Variants in OTOA observed in about 807,000 individuals in gnomAD.
The protein encoded by OTOA is cancer/testis antigen 108.
In OTOA, 70 loss-of-function variants were observed where a neutral mutation model predicts 110.8. The observed-to-expected ratio is 0.63, with a 90% confidence interval of 0.52 to 0.77. OTOA has a LOEUF of 0.77. OTOA is among the 30% of genes least tolerant of loss of function. The pLI is 0.00. For synonymous variants in OTOA, 373 were observed against 431.5 expected, an observed-to-expected ratio of 0.86 and a Z score of 1.68; for missense variants, 917 against 1,075.8, an observed-to-expected ratio of 0.85 and a Z score of 2.06.
At chr16:21,667,838 A>C (rs1013143671) in intron 1 of OTOA, among the ~76,000 whole-genome samples, 1 of 152,074 alleles carries the variant, frequency 6.6e-6, no homozygotes, top group African/African-American at 2.4e-5. Context: ...TCACACAGGA[A>C]ATTTTCATAT....
intron 1 of OTOA, among the ~76,000 whole-genome samples, chr16:21,666,764 A>G (rs1458304612): frequency 6.6e-6 from 1 of 152,116 alleles, no homozygotes; most frequent in African/African-American, 2.4e-5. Flanking sequence ...CCAAATCATC[A>G]TCGCCCTGCC....
intron 18 of OTOA, among the ~76,000 whole-genome samples, chr16:21,725,277 A>T (rs2141714637): frequency 6.6e-6 from 1 of 152,096 alleles, no homozygotes; most frequent in African/African-American, 2.4e-5. Flanking sequence ...AGAAGTTAGA[A>T]TAGATTTTTT....
intron 14 of OTOA, among the ~76,000 whole-genome samples, chr16:21,715,766 C>T (rs928780409): frequency 2.0e-5 from 3 of 151,938 alleles, no homozygotes; most frequent in African/African-American, 7.3e-5. Context: ...AATCCTTCTG[C>T]TTCGGCCTCC....
Position 21,728,247 on chromosome 16 carries a change from T to A in OTOA, c.2023T>A (p.Ser675Thr), listed in dbSNP as rs1439058328. The A allele has an allele frequency of 6.2e-7, 1 of 1,614,160 alleles. No individual in the cohort carries two copies. Among genetic ancestry groups the A allele is most frequent in the South Asian group, 1.1e-5 (1 of 91,088 alleles). The change falls in exon 20 of 29, where the codon TCC becomes ACC. Residue 675 changes from serine (S) to threonine (T), a missense_variant. Ser to Thr is a moderately conservative substitution (Grantham distance 58). This residue lies in a region of OTOA where 840 missense variants were observed against 910.2 expected (regional missense o/e 0.92). Coordinates refer to ENST00000646100, the MANE Select transcript of OTOA (RefSeq NM_144672.4). ...CTCCACTTTTTGGGTTCAGGACGACTCCATTGCTGATGAGTACACTGTGGA... is the reference window on the plus strand; with the variant it reads ...CTCCACTTTTTGGGTTCAGGACGACACCATTGCTGATGAGTACACTGTGGA... ...LRKVQQCLDDSIADEYTVDIM... is the reference protein window; with the variant it reads ...LRKVQQCLDDTIADEYTVDIM...
chr16:21,715,704 G>C (rs1898532229), intron 14 of OTOA, among the ~76,000 whole-genome samples: 1 of 152,036 alleles, frequency 6.6e-6, no homozygotes, highest in African/African-American at 2.4e-5. Context: ...TTTTTGTAGA[G>C]ATGGAGTATT....
intron 13 of OTOA, among the ~76,000 whole-genome samples, chr16:21,714,327 TCC>T (rs1491237481): frequency 9.9e-4 from 137 of 138,824 alleles, no homozygotes; most frequent in African/African-American, 3.3e-3. Flanking sequence ...CTTCCTTCCT[TCC>T]TTCCTTTCTT....
chr16:21,750,220 G>A (rs1899789827), intron 24 of OTOA, among the ~76,000 whole-genome samples: 1 of 150,956 alleles, frequency 6.6e-6, no homozygotes, highest in African/African-American at 2.4e-5. Flanking sequence ...TTTGAGACCA[G>A]CCTGGCCAAC....
intron 6 of OTOA, among the ~76,000 whole-genome samples, chr16:21,682,104 T>A (rs935533636): frequency 1.3e-5 from 2 of 152,266 alleles, no homozygotes; most frequent in African/African-American, 4.8e-5. Flanking sequence ...TTAGTTTATT[T>A]CTTTCTCGTA....
intron 1 of OTOA, among the ~76,000 whole-genome samples, chr16:21,674,780 A>ATC (rs1320752575): frequency 2.7e-5 from 4 of 149,796 alleles, no homozygotes; most frequent in Admixed American, 6.6e-5. Context: ...TTGATGATAT[A>ATC]TCTGCACATA....
chr16:21,687,776 T>C, intron 8 of OTOA, 128 bp downstream of exon 8: 1 of 831,196 alleles, frequency 1.2e-6, no homozygotes, highest in Non-Finnish European at 1.9e-6. Flanking sequence ...CAAGTGATTC[T>C]CCTGCCTCAA....
At chr16:21,699,407 G>A (rs1160029983) in intron 10 of OTOA, among the ~76,000 whole-genome samples, 4 of 152,156 alleles carry the variant, frequency 2.6e-5, no homozygotes, top group Admixed American at 1.3e-4. Context: ...AGGCCAAGGC[G>A]GGAGGATCAC....
chr16:21,732,207 C>A (rs1899137698), intron 21 of OTOA, among the ~76,000 whole-genome samples: 1 of 152,250 alleles, frequency 6.6e-6, no homozygotes, highest in Non-Finnish European at 1.5e-5. Context: ...CTCAAGTGAT[C>A]TGCCCGCCTC....
At chr16:21,695,889 A>ATTTTTTTTTTTTTTTT (rs1213474615) in intron 9 of OTOA, among the ~76,000 whole-genome samples, 4 of 63,656 alleles carry the variant, frequency 6.3e-5, no homozygotes, top group East Asian at 3.8e-4. Flanking sequence ...ATATATATAT[A>ATTTTTTTTTTTTTTTT]TATTTTTTTT....
chr16:21,697,300 G>A (rs1367908866), intron 9 of OTOA, among the ~76,000 whole-genome samples: 1 of 152,066 alleles, frequency 6.6e-6, no homozygotes, highest in African/African-American at 2.4e-5. Flanking sequence ...TGATCTCACA[G>A]GTAGGCCCTA....
chr16:21,676,929 A>G (rs1052831012), intron 1 of OTOA, among the ~76,000 whole-genome samples: 1 of 152,168 alleles, frequency 6.6e-6, no homozygotes, highest in African/African-American at 2.4e-5. Flanking sequence ...CTGCTGCCCA[A>G]TGTCTGAAAA....
chr16:21,685,477 C>G, intron 7 of OTOA, 116 bp downstream of exon 7: 4 of 1,420,734 alleles, frequency 2.8e-6, no homozygotes, highest in Non-Finnish European at 3.8e-6. Flanking sequence ...CTTCCTCTCT[C>G]CTTCTGCCTC....
At chr16:21,706,848 A>ATAT (rs1655941188) in intron 12 of OTOA, among the ~76,000 whole-genome samples, 1 of 123,360 alleles carries the variant, frequency 8.1e-6, no homozygotes, top group Non-Finnish European at 1.7e-5. Context: ...TATAAGATTC[A>ATAT]TTTTTTTTTT....
intron 5 of OTOA, 72 bp from the exon 6 acceptor site, chr16:21,681,666 A>G: frequency 7.6e-7 from 1 of 1,316,400 alleles, no homozygotes; most frequent in Non-Finnish European, 1.1e-6. Context: ...TCCCCTGGGC[A>G]CTTAGCTAGT....
chr16:21,714,211 TTCTTTCTCTC>T (rs1389369201), intron 13 of OTOA, among the ~76,000 whole-genome samples: 1 of 151,784 alleles, frequency 6.6e-6, no homozygotes, highest in Non-Finnish European at 1.5e-5. Flanking sequence ...TTCTTTCTCT[TTCTTTCTCTC>T]TCTCTCTTTC....
Sources: gnomAD v4.1 joint callset for allele counts (sites outside exome capture counted in the v4.1 genomes callset) on GRCh38, gnomAD v4.1.1 for gene constraint, gnomAD v4.1.1 regional missense constraint, MANE v1.5 for transcripts, NCBI Gene and HGNC (gene_info 2026-07-23, HGNC 2026-07-21) for gene names.